The following SND1 variants were observed in gnomAD, a reference collection of about 807,000 sequenced individuals.
SND1 encodes the protein staphylococcal nuclease domain-containing protein 1.
In SND1, 38 loss-of-function variants were observed where a neutral mutation model predicts 121.7. The ratio of observed to expected loss-of-function variants is 0.31; its 90% CI spans 0.24 to 0.41. The LOEUF (loss-of-function observed/expected upper bound fraction) is 0.41. Ranked by LOEUF, SND1 falls within the 10% of genes least tolerant of loss-of-function variation. The pLI is 1.00. For synonymous variants in SND1, 401 were observed against 447.4 expected (o/e 0.90, Z 1.31); for missense variants, 868 against 1,184.6 (o/e 0.73, Z 3.92).
intron 14 of SND1, among the ~76,000 whole-genome samples, chr7:127,925,961 C>T (rs900048671): frequency 6.6e-6 from 1 of 151,460 alleles, no homozygotes; most frequent in African/African-American, 2.4e-5. Flanking sequence ...CTCTTATTAA[C>T]CCTGGAAATG....
chr7:127,792,223 G>A (rs1797921955), intron 10 of SND1, among the ~76,000 whole-genome samples: 1 of 152,092 alleles, frequency 6.6e-6, no homozygotes, highest in Non-Finnish European at 1.5e-5. Context: ...GATCTTTTGT[G>A]CATATCTGCA....
chr7:128,055,430 G>C (rs1392816571), intron 16 of SND1, among the ~76,000 whole-genome samples: 2 of 152,110 alleles, frequency 1.3e-5, no homozygotes, highest in Non-Finnish European at 2.9e-5. Flanking sequence ...GAAGGAAATG[G>C]GAACCTATTG....
intron 1 of SND1, among the ~76,000 whole-genome samples, chr7:127,666,584 T>C (rs1795422421): frequency 1.3e-5 from 2 of 151,270 alleles, no homozygotes; most frequent in Admixed American, 1.3e-4. Context: ...TTGGAGAGAG[T>C]GCCCCCCTCA....
chr7:127,695,041 G>A, intron 3 of SND1, 93 bp downstream of exon 3: 3 of 1,495,122 alleles, frequency 2.0e-6, no homozygotes, highest in South Asian at 1.3e-5. Flanking sequence ...GGGTTCTGGT[G>A]GAGGAAGCTC....
At chr7:127,748,985 TTATCTGTGTAGGAGGG>T (rs1797030534) in intron 10 of SND1, among the ~76,000 whole-genome samples, 1 of 151,966 alleles carries the variant, frequency 6.6e-6, no homozygotes, top group East Asian at 1.9e-4. Flanking sequence ...GAAGTCAGAA[TTATCTGTGTAGGAGGG>T]GGATATGCAG....
chr7:127,826,503 C>G lies in SND1; in HGVS notation c.1243-17821C>G, dbSNP rs1036806573. 3.9e-5 allele frequency among the ~76,000 whole-genome samples: 6 copies of G among 152,276 alleles called. No homozygotes were observed. The East Asian group carries it at 7.7e-4, about 20-fold the overall frequency. ...AAAATCTTCTATGTCTATTTATTGACAGTGTTGAGCACTTTCTTACATAGG... is the reference window on the plus strand; with the variant it reads ...AAAATCTTCTATGTCTATTTATTGAGAGTGTTGAGCACTTTCTTACATAGG... On this transcript the variant is annotated intron_variant, in intron 11 of 23. Coordinates refer to ENST00000354725, the MANE Select transcript of SND1 (RefSeq NM_014390.4).
intron 11 of SND1, among the ~76,000 whole-genome samples, chr7:127,813,822 C>T (rs1798377498): frequency 2.0e-5 from 3 of 152,160 alleles, no homozygotes; most frequent in East Asian, 1.9e-4. Context: ...CTTGGCCTCC[C>T]AAAGTGCTGG....
chr7:128,023,271 T>A (rs1169221808), intron 16 of SND1, among the ~76,000 whole-genome samples: 1 of 152,208 alleles, frequency 6.6e-6, no homozygotes, highest in Non-Finnish European at 1.5e-5. Context: ...CTTTCAGTGC[T>A]ACCTTCTTCC....
At chr7:128,041,390 A>G (rs1219754162) in intron 16 of SND1, among the ~76,000 whole-genome samples, 3 of 152,110 alleles carry the variant, frequency 2.0e-5, no homozygotes, top group Non-Finnish European at 4.4e-5. Flanking sequence ...TCAAACAACC[A>G]ATGGGTGAAT....
intron 10 of SND1, among the ~76,000 whole-genome samples, chr7:127,803,100 C>T (rs915162843): frequency 4.6e-5 from 7 of 152,216 alleles, no homozygotes. Context: ...GTGAAGTCAG[C>T]TCTGTGTCTT....
At chr7:127,704,039 C>T (rs1019618081) in intron 7 of SND1, among the ~76,000 whole-genome samples, 1 of 152,174 alleles carries the variant, frequency 6.6e-6, no homozygotes, top group Admixed American at 6.5e-5. Context: ...AGGCTTTATC[C>T]AGCTACCTCC....
intron 16 of SND1, chr7:128,027,356 A>G (rs556073622): frequency 1.3e-5 from 2 of 152,690 alleles, no homozygotes; most frequent in East Asian, 3.9e-4. Flanking sequence ...GCTCCATTCA[A>G]CAGTACCCCA....
chr7:128,043,058 G>A (rs1224285332), intron 16 of SND1, among the ~76,000 whole-genome samples: 1 of 152,180 alleles, frequency 6.6e-6, no homozygotes, highest in African/African-American at 2.4e-5. Flanking sequence ...CAGCATCACT[G>A]GCACGTGAAT....
chr7:127,832,068 C>T (rs374714471), intron 11 of SND1, among the ~76,000 whole-genome samples: 15 of 152,272 alleles, frequency 9.9e-5, no homozygotes, highest in African/African-American at 3.6e-4. Flanking sequence ...GTAGCTCCCA[C>T]GTGTTCTCAG....
chr7:128,026,299 G>A (rs1348568281), intron 16 of SND1, among the ~76,000 whole-genome samples: 1 of 152,166 alleles, frequency 6.6e-6, no homozygotes, highest in African/African-American at 2.4e-5. Flanking sequence ...AACTGTGAGT[G>A]GTAGTTTATA....
chr7:127,676,409 G>A (rs567536475), intron 1 of SND1, among the ~76,000 whole-genome samples: 1 of 152,196 alleles, frequency 6.6e-6, no homozygotes, highest in East Asian at 1.9e-4. Context: ...ATAGATGAAG[G>A]AATATCACAG....
At chr7:127,724,823 T>C (rs1796554386) in intron 10 of SND1, among the ~76,000 whole-genome samples, 1 of 152,178 alleles carries the variant, frequency 6.6e-6, no homozygotes, top group African/African-American at 2.4e-5. Context: ...TAAGTTTCAG[T>C]TGACCAAAGA....
At chr7:128,070,247 T>C (rs1198329154) in intron 16 of SND1, among the ~76,000 whole-genome samples, 4 of 152,182 alleles carry the variant, frequency 2.6e-5, no homozygotes, top group Non-Finnish European at 5.9e-5. Context: ...GAACCATGTG[T>C]CTTCCTAGGT....
At chr7:127,812,366 G>C (rs141450) in intron 11 of SND1, among the ~76,000 whole-genome samples, 101,105 of 152,092 alleles carry the variant, frequency 0.66, 34,389 homozygotes, top group East Asian at 0.92. Context: ...ATTAGTCTTT[G>C]AGATGTCCCT....
Sources: gnomAD v4.1 joint callset for allele counts (sites outside exome capture counted in the v4.1 genomes callset) on GRCh38, gnomAD v4.1.1 for gene constraint, MANE v1.5 for transcripts, NCBI Gene and HGNC (gene_info 2026-07-23, HGNC 2026-07-21) for gene names.